Variants in DLGAP2 observed in about 807,000 individuals in gnomAD.
The protein encoded by DLGAP2 is DLG associated protein 2.
A neutral mutation model predicts 100.3 loss-of-function variants in DLGAP2; 26 were observed. That is an observed-to-expected ratio of 0.26 (90% CI 0.19 to 0.36). The LOEUF is 0.36. DLGAP2 is among the 10% of genes least tolerant of loss of function. The pLI, the probability that DLGAP2 is intolerant of heterozygous loss-of-function variation, is 1.00. For missense variants in DLGAP2, 1,858 were observed against 1,453.2 expected (o/e 1.28, Z -4.53); for synonymous variants, 886 against 630.1 (o/e 1.41, Z -6.08).
chr8:897,705 G>A (rs992858533), intron 1 of DLGAP2, among the ~76,000 whole-genome samples: 1 of 147,772 alleles, frequency 6.8e-6, no homozygotes, highest in Non-Finnish European at 1.5e-5. Context: ...CCCTCCCCAC[G>A]GGCTCACAGG....
chr8:1,538,618 G>A (rs1034497552), intron 4 of DLGAP2, among the ~76,000 whole-genome samples: 11 of 152,162 alleles, frequency 7.2e-5, no homozygotes, highest in Admixed American at 5.2e-4. Flanking sequence ...CTCCTCCCCC[G>A]CTCCCATGCT....
chr8:1,415,684 T>A (rs532390080), intron 3 of DLGAP2, among the ~76,000 whole-genome samples: 69 of 152,328 alleles, frequency 4.5e-4, no homozygotes, highest in African/African-American at 1.7e-3. Flanking sequence ...GGTGTATAGG[T>A]AGCACTGTCT....
chr8:809,641 G>A (rs533400254), intron 1 of DLGAP2, among the ~76,000 whole-genome samples: 23 of 152,264 alleles, frequency 1.5e-4, no homozygotes, highest in African/African-American at 4.8e-4. Context: ...CTACCAATAC[G>A]AGTCAACCTG....
intron 3 of DLGAP2, among the ~76,000 whole-genome samples, chr8:1,386,306 C>T (rs1157786417): frequency 6.6e-6 from 1 of 152,192 alleles, no homozygotes; most frequent in African/African-American, 2.4e-5. Context: ...TTATAGATGG[C>T]AGGTGCATGA....
rs541947392 is a variant in DLGAP2, at chr8:888,464, G to C, written c.19-19448G>C. Among the ~76,000 whole-genome samples, 25 of 152,106 alleles carry C rather than the reference G, an allele frequency of 1.6e-4. No homozygotes were observed. The South Asian group carries it at 3.7e-3, about 23-fold the overall frequency. On this transcript the variant is annotated intron_variant, in intron 1 of 14. Transcript: ENST00000637795. ...AGAAGATAAGACCCTCTGGCCTTTT[G>C]GGTTTTCAGCATTTTTTTTCATTGA...
intron 2 of DLGAP2, among the ~76,000 whole-genome samples, chr8:1,111,599 C>T (rs1292921370): frequency 6.6e-6 from 1 of 152,144 alleles, no homozygotes; most frequent in Non-Finnish European, 1.5e-5. Context: ...TTCTTCCCCT[C>T]TGTGTGTCCA....
At chr8:1,511,440 C>T (rs185909163) in intron 4 of DLGAP2, among the ~76,000 whole-genome samples, 44 of 143,480 alleles carry the variant, frequency 3.1e-4, no homozygotes, top group African/African-American at 8.7e-4. Context: ...AGTAGATGAC[C>T]ATCTTCCATG....
chr8:1,264,872 G>T (rs372806329), intron 3 of DLGAP2, among the ~76,000 whole-genome samples: 1 of 152,086 alleles, frequency 6.6e-6, no homozygotes, highest in Admixed American at 6.5e-5. Context: ...AGTCTTTCCC[G>T]TGCTGTTCTC....
At chr8:1,386,554 G>T (rs1177316512) in intron 3 of DLGAP2, among the ~76,000 whole-genome samples, 1 of 152,226 alleles carries the variant, frequency 6.6e-6, no homozygotes, top group African/African-American at 2.4e-5. Flanking sequence ...CCGGCCAGAT[G>T]TGAGAGTGGA....
chr8:1,043,671 G>A (rs1403006134), intron 2 of DLGAP2, among the ~76,000 whole-genome samples: 1 of 152,034 alleles, frequency 6.6e-6, no homozygotes, highest in Non-Finnish European at 1.5e-5. Flanking sequence ...GGGAGGGCTT[G>A]GTCAGTCATG....
At chr8:862,876 C>G (rs1029974577) in intron 1 of DLGAP2, among the ~76,000 whole-genome samples, 1 of 152,162 alleles carries the variant, frequency 6.6e-6, no homozygotes, top group Non-Finnish European at 1.5e-5. Flanking sequence ...TTATATTTTA[C>G]TTATTAACAT....
chr8:1,421,405 C>G (rs1797083608), intron 3 of DLGAP2, among the ~76,000 whole-genome samples: 1 of 152,130 alleles, frequency 6.6e-6, no homozygotes, highest in Non-Finnish European at 1.5e-5. Flanking sequence ...TTCTGAGGCT[C>G]TCAGAATAAT....
chr8:1,229,542 T>C (rs1216055914), intron 2 of DLGAP2, among the ~76,000 whole-genome samples: 3 of 142,112 alleles, frequency 2.1e-5, no homozygotes, highest in Non-Finnish European at 4.7e-5. Context: ...GAGGATCTTT[T>C]GTTTTTCTGT....
chr8:945,509 C>T (rs1799296161), intron 2 of DLGAP2, among the ~76,000 whole-genome samples: 1 of 152,134 alleles, frequency 6.6e-6, no homozygotes. Context: ...GAGGCTGAGC[C>T]CCGGACAAGC....
At chr8:1,288,674 G>A (rs1799992942) in intron 3 of DLGAP2, among the ~76,000 whole-genome samples, 1 of 128,382 alleles carries the variant, frequency 7.8e-6, no homozygotes, top group Admixed American at 8.0e-5. Context: ...ACTTGTTTCG[G>A]TTCAGTGTGT....
chr8:889,997 A>G lies in DLGAP2; in HGVS notation c.19-17915A>G, dbSNP rs566159322. ...ACTCACCGCCTCCCTTGGCTGGGGG[A>G]AGGGACTCCCCTTCCCCGTGTGTTT... On this transcript the variant is annotated intron_variant, in intron 1 of 14. Transcript: ENST00000637795. 7.8e-4 allele frequency among the ~76,000 whole-genome samples: 118 copies of G among 151,586 alleles called. 1 individual carries two copies. Among genetic ancestry groups the G allele is most frequent in the African/African-American group, 2.8e-3 (115 of 41,308 alleles).
intron 2 of DLGAP2, among the ~76,000 whole-genome samples, chr8:1,084,750 A>G (rs536034501): frequency 1.2e-4 from 18 of 152,300 alleles, no homozygotes; most frequent in African/African-American, 3.8e-4. Flanking sequence ...TTGTGTGCGT[A>G]CACCACACTT....
In DLGAP2 at chr8:814,869, A is replaced by G. The variant is rs1563045867; in HGVS notation, c.18+77044A>G. Reference sequence around the variant, plus strand: ...CCGTCTCAAAAAAAAAAAAAAAAAAAAAAAGAAATACTATCAACATTATAG... The same window carrying G: ...CCGTCTCAAAAAAAAAAAAAAAAAAGAAAAGAAATACTATCAACATTATAG... On this transcript the variant is annotated intron_variant, in intron 1 of 14. Coordinates refer to ENST00000637795, the MANE Select transcript of DLGAP2 (RefSeq NM_001346810.2). 2.6e-5 allele frequency among the ~76,000 whole-genome samples: 4 copies of G among 151,428 alleles called. No individual in the cohort carries two copies. In the South Asian group the frequency reaches 6.3e-4, roughly 24 times the overall value.
intron 2 of DLGAP2, among the ~76,000 whole-genome samples, chr8:1,040,988 A>G (rs1373128986): frequency 1.3e-5 from 2 of 152,160 alleles, no homozygotes; most frequent in Non-Finnish European, 2.9e-5. Flanking sequence ...AACAACATAC[A>G]TAGGACATAC....
Sources: gnomAD v4.1 joint callset for allele counts (sites outside exome capture counted in the v4.1 genomes callset) on GRCh38, gnomAD v4.1.1 for gene constraint, MANE v1.5 for transcripts, NCBI Gene and HGNC (gene_info 2026-07-23, HGNC 2026-07-21) for gene names.